SPATA4: variants seen among roughly 807,000 people sequenced by gnomAD.
SPATA4 encodes the protein spermatogenesis-associated protein 4.
A neutral mutation model predicts 31.8 loss-of-function variants in SPATA4; 35 were observed. That is an observed-to-expected ratio of 1.10 (90% CI 0.84 to 1.46). The LOEUF is 1.46. Among genes scored for constraint, SPATA4 ranks in the 40% most tolerant of loss-of-function variants. The pLI is 0.00. For missense variants in SPATA4, 394 were observed against 363.1 expected (o/e 1.09, Z -0.69); for synonymous variants, 126 against 132.4 (o/e 0.95, Z 0.33).
intron 5 of SPATA4, among the ~76,000 whole-genome samples, chr4:176,186,130 A>G (rs1217422328): frequency 6.6e-6 from 1 of 152,250 alleles, no homozygotes; most frequent in Non-Finnish European, 1.5e-5. Flanking sequence ...TTCAAAAAAG[A>G]TAACAAAAAT....
intron 1 of SPATA4, chr4:176,194,523 A>G (rs2126925373): frequency 6.6e-6 from 1 of 152,292 alleles, no homozygotes; most frequent in Non-Finnish European, 1.5e-5. Context: ...TGCCTCTCTG[A>G]TAAGGAGAGA....
intron 5 of SPATA4, among the ~76,000 whole-genome samples, chr4:176,187,330 A>ATT (rs58044270): frequency 7.3e-5 from 11 of 150,072 alleles, no homozygotes; most frequent in East Asian, 2.0e-4. Flanking sequence ...TTTTCTTTTG[A>ATT]TTTTTTTTTT....
rs544844407 is a variant in SPATA4, at chr4:176,192,531, T to C, written c.688+96A>G. On this transcript the variant is annotated intron_variant, in intron 4 of 5. Transcript: ENST00000280191. ...TTCCCTTTAAACCAGTTACAGAAGATAGCAAAATGGGCCAGTGCCGACATT... is the reference window on the plus strand; with the variant it reads ...TTCCCTTTAAACCAGTTACAGAAGACAGCAAAATGGGCCAGTGCCGACATT... 16 of 951,726 alleles carry C rather than the reference T, an allele frequency of 1.7e-5. No individual in the cohort carries two copies. The African/African-American group carries it at 2.4e-4, about 15-fold the overall frequency. The allele number at this position is 951,726 out of a possible 1,614,324, so 59.0% of individuals were successfully genotyped here.
At chr4:176,184,930 T>C (rs1213933288) in intron 5 of SPATA4, 38 bp from the exon 6 acceptor site, 2 of 1,268,546 alleles carry the variant, frequency 1.6e-6, no homozygotes, top group South Asian at 1.3e-5. Flanking sequence ...AATCAATTCA[T>C]GGTTACTAAA....
At position 176,193,039 on chromosome 4, in the gene SPATA4, A is replaced by C. The variant is rs1752558192; in HGVS notation, c.386T>G (p.Leu129Arg). Residue 129 changes from leucine (L) to arginine (R), a missense_variant, in exon 3 of 6, where the codon CTA becomes CGA. By Grantham distance (102) the Leu-to-Arg change is moderately radical. Transcript: ENST00000280191. ...ARKKFKLPKE[L>R]IHGTIHCKAG... ...TTTACAATGAATTGTTCCATGGATT[A>C]GTTCTTTAGGTAATTTAAATTTTTT... 1 of 1,607,368 alleles carries C rather than the reference A, an allele frequency of 6.2e-7. No individual in the cohort carries two copies. The highest frequency in any genetic ancestry group is 1.3e-5 in the African/African-American group (1 of 74,746).
intron 4 of SPATA4, among the ~76,000 whole-genome samples, chr4:176,191,244 C>A (rs535620247): frequency 2.3e-4 from 35 of 152,070 alleles, no homozygotes; most frequent in African/African-American, 8.2e-4. Flanking sequence ...TACAGGCACA[C>A]GCCACCATGC....
chr4:176,185,327 T>C (rs1244173036), intron 5 of SPATA4, among the ~76,000 whole-genome samples: 1 of 152,178 alleles, frequency 6.6e-6, no homozygotes, highest in East Asian at 1.9e-4. Flanking sequence ...TCAGTTCTAA[T>C]GGGAGGGGCC....
Position 176,193,088 on chromosome 4 carries a change from GAAAGA to G in SPATA4, c.349-17_349-13del. ...TTTCTTGCCAGGAACTTTAATAGTA[GAAAGA>G]AAATGTTTTTATCATAAGAACTTTT... On this transcript the variant is annotated splice_polypyrimidine_tract_variant and intron_variant, in intron 2 of 5. Coordinates refer to ENST00000280191, the MANE Select transcript of SPATA4 (RefSeq NM_144644.4). 6.9e-7 allele frequency: 1 copy of G among 1,458,182 alleles called. No homozygotes were observed. The highest frequency in any genetic ancestry group is 1.2e-5 in the South Asian group (1 of 81,048). 90.3% of individuals were successfully genotyped at this position (1,458,182 alleles called of 1,614,324 possible).
Position 176,184,901 on chromosome 4 carries a change from T to C in SPATA4, c.806-9A>G, listed in dbSNP as rs557254815. 2.5e-4 allele frequency: 376 copies of C among 1,518,828 alleles called. 6 individuals carry two copies. The South Asian group carries it at 4.4e-3, about 18-fold the overall frequency. 94.1% of individuals were successfully genotyped at this position (1,518,828 alleles called of 1,614,324 possible). On this transcript the variant is annotated splice_polypyrimidine_tract_variant and intron_variant, in intron 5 of 5. Transcript: ENST00000280191. ...ACCACTACCTATATTTGCTGGGACA[T>C]TTAAATAAGCAAAATTAAAATCAAT...
rs756882268 is a variant in SPATA4 at position 176,184,742 on chromosome 4, G to A, written c.*38C>T. On this transcript the variant is annotated 3_prime_UTR_variant, in exon 6 of 6. Coordinates refer to ENST00000280191, the MANE Select transcript of SPATA4 (RefSeq NM_144644.4). The stretch of plus-strand genomic sequence containing the variant: ...TGTTTCTTTATTATGGCTAGAGATG[G>A]TGGCATCACTTCTTCAAAGCCATTT... The A allele has an allele frequency of 8.1e-7, 1 of 1,232,240 alleles. No individual in the cohort carries two copies. Among genetic ancestry groups the A allele is most frequent in the Non-Finnish European group, 1.2e-6 (1 of 862,292 alleles). 76.3% of individuals were successfully genotyped at this position (1,232,240 alleles called of 1,614,324 possible).
chr4:176,185,830 A>G (rs1011502547), intron 5 of SPATA4, among the ~76,000 whole-genome samples: 2 of 152,238 alleles, frequency 1.3e-5, no homozygotes, highest in Non-Finnish European at 1.5e-5. Flanking sequence ...AGTAAAAAAA[A>G]TAAATGTATG....
At chr4:176,192,101 G>A (rs1364546301) in intron 4 of SPATA4, among the ~76,000 whole-genome samples, 2 of 152,162 alleles carry the variant, frequency 1.3e-5, no homozygotes, top group Non-Finnish European at 2.9e-5. Context: ...CAGTGACTCT[G>A]GCAAATGCAG....
intron 3 of SPATA4, 44 bp downstream of exon 3, chr4:176,192,914 G>C (rs370257062): frequency 4.4e-6 from 7 of 1,582,820 alleles, no homozygotes; most frequent in South Asian, 1.2e-5. Flanking sequence ...ATTATCAAAA[G>C]TTTCACATTA....
intron 4 of SPATA4, among the ~76,000 whole-genome samples, chr4:176,189,508 G>A (rs1047779687): frequency 6.6e-6 from 1 of 151,072 alleles, no homozygotes; most frequent in Non-Finnish European, 1.5e-5. Context: ...ATATAACAAC[G>A]GGCAGTATTA....
intron 4 of SPATA4, among the ~76,000 whole-genome samples, chr4:176,189,825 GCAGACAAAACCCCT>G (rs1427483865): frequency 6.6e-6 from 1 of 152,140 alleles, no homozygotes; most frequent in African/African-American, 2.4e-5. Context: ...AGGACAAGCC[GCAGACAAAACCCCT>G]CAGACACCAA....
intron 5 of SPATA4, among the ~76,000 whole-genome samples, chr4:176,185,688 T>C (rs745834331): frequency 2.6e-5 from 4 of 152,198 alleles, no homozygotes; most frequent in Non-Finnish European, 5.9e-5. Context: ...TGAACAAATT[T>C]AGAAAAAATT....
chr4:176,193,459 C>T lies in SPATA4; in HGVS notation c.342G>A (p.Leu114=). ...LKVKLDNWAQ[L]EKFLARKKFK... is the part of the protein sequence containing the mutation. ...TAAATGACTGCTAACGTACCTTCTC[C>T]AACTGTGCCCAGTTATCCAACTTGA... The change falls in exon 2 of 6, where the codon TTG becomes TTA. Residue 114 remains leucine, a synonymous_variant. Coordinates refer to ENST00000280191, the MANE Select transcript of SPATA4 (RefSeq NM_144644.4). The T allele has an allele frequency of 6.2e-7, 1 of 1,612,254 alleles. No individual in the cohort carries two copies. Among genetic ancestry groups the T allele is most frequent in the Non-Finnish European group, 8.5e-7 (1 of 1,179,552 alleles).
At chr4:176,195,312 C>A in intron 1 of SPATA4, 33 bp downstream of exon 1, 2 of 1,606,560 alleles carry the variant, frequency 1.2e-6, no homozygotes, top group Non-Finnish European at 1.7e-6. Context: ...GGGGCGCCCA[C>A]CGGGGGGGCC....
intron 4 of SPATA4, among the ~76,000 whole-genome samples, chr4:176,191,467 A>G (rs774810455): frequency 3.7e-4 from 56 of 152,238 alleles, no homozygotes; most frequent in Non-Finnish European, 5.1e-4. Context: ...AATGTGGAGA[A>G]TGCAGTCCGA....
Sources: gnomAD v4.1 joint callset for allele counts (sites outside exome capture counted in the v4.1 genomes callset) on GRCh38, gnomAD v4.1.1 for gene constraint, MANE v1.5 for transcripts, NCBI Gene and HGNC (gene_info 2026-07-23, HGNC 2026-07-21) for gene names.